Variants in NPAS3 observed in about 807,000 individuals in gnomAD.
NPAS3 encodes the protein neuronal PAS domain protein 3, also known as neuronal PAS domain-containing protein 3.
In NPAS3, 14 loss-of-function variants were observed where a neutral mutation model predicts 73.1. The ratio of observed to expected loss-of-function variants is 0.19; its 90% CI spans 0.13 to 0.30. NPAS3 has a LOEUF of 0.30. Among genes scored for constraint, NPAS3 ranks in the 10% least tolerant of loss-of-function variants. NPAS3 has a pLI of 1.00. For missense variants in NPAS3, 1,096 were observed against 1,250.0 expected, an observed-to-expected ratio of 0.88 and a Z score of 1.86; for synonymous variants, 620 against 541.5, an observed-to-expected ratio of 1.14 and a Z score of -2.01.
chr14:33,090,378 A>G (rs937750881), intron 2 of NPAS3, among the ~76,000 whole-genome samples: 2 of 152,214 alleles, frequency 1.3e-5, no homozygotes, highest in Non-Finnish European at 2.9e-5. Flanking sequence ...CTTTAAACCA[A>G]CAAAGATCAA....
chr14:32,952,144 A>G (rs577303733), intron 1 of NPAS3, among the ~76,000 whole-genome samples: 2 of 152,206 alleles, frequency 1.3e-5, no homozygotes, highest in African/African-American at 4.8e-5. Context: ...TTTCATCCCT[A>G]TAACTATGTA....
At chr14:33,731,436 AAAAAGAG>A (rs1309926673) in intron 6 of NPAS3, among the ~76,000 whole-genome samples, 2 of 150,834 alleles carry the variant, frequency 1.3e-5, no homozygotes, top group African/African-American at 2.4e-5. Context: ...AAAAAAAAAA[AAAAAGAG>A]AGAGAGAAAG....
intron 5 of NPAS3, among the ~76,000 whole-genome samples, chr14:33,583,001 T>G (rs918342883): frequency 8.1e-5 from 10 of 123,972 alleles, no homozygotes; most frequent in African/African-American, 3.5e-4. Context: ...ACTGGTTTTT[T>G]AGTACTAGAA....
intron 4 of NPAS3, among the ~76,000 whole-genome samples, chr14:33,540,322 GT>G (rs2054454769): frequency 6.6e-6 from 1 of 151,852 alleles, no homozygotes; most frequent in Non-Finnish European, 1.5e-5. Context: ...CCTATGCTTT[GT>G]TCATTTATTG....
chr14:33,543,995 A>ATATATATC (rs1196766077), intron 4 of NPAS3, among the ~76,000 whole-genome samples: 21 of 121,448 alleles, frequency 1.7e-4, no homozygotes, highest in South Asian at 5.4e-4. Context: ...ATATATATAT[A>ATATATATC]TATATATCTA....
At chr14:33,115,032 A>C (rs1595478481) in intron 2 of NPAS3, among the ~76,000 whole-genome samples, 1 of 152,290 alleles carries the variant, frequency 6.6e-6, no homozygotes, top group East Asian at 1.9e-4. Context: ...CTATTCTAAG[A>C]AAGGCATGAT....
intron 4 of NPAS3, among the ~76,000 whole-genome samples, chr14:33,510,446 T>C (rs550336913): frequency 6.6e-6 from 1 of 152,150 alleles, no homozygotes. Flanking sequence ...TCACTTCCAG[T>C]TCCCAGGGTG....
intron 5 of NPAS3, among the ~76,000 whole-genome samples, chr14:33,582,973 T>TTTTTTTTTG (rs2056730086): frequency 6.9e-6 from 1 of 145,482 alleles, no homozygotes; most frequent in African/African-American, 2.7e-5. Context: ...TTAAAGGGTT[T>TTTTTTTTTG]TTTTTTTTTT....
chr14:33,248,712 G>T (rs918504557), intron 3 of NPAS3, among the ~76,000 whole-genome samples: 5 of 152,166 alleles, frequency 3.3e-5, no homozygotes, highest in African/African-American at 1.2e-4. Flanking sequence ...GTGATTGGTT[G>T]TCACCATCAT....
intron 7 of NPAS3, among the ~76,000 whole-genome samples, chr14:33,758,415 C>A (rs1170421398): frequency 6.6e-6 from 1 of 152,196 alleles, no homozygotes. Flanking sequence ...ACGGGGCATC[C>A]CTCTGCAGGT....
At chr14:33,382,435 T>C (rs1234076393) in intron 4 of NPAS3, among the ~76,000 whole-genome samples, 1 of 152,202 alleles carries the variant, frequency 6.6e-6, no homozygotes, top group Non-Finnish European at 1.5e-5. Flanking sequence ...ACAAGTTTTT[T>C]TCACTGAGAT....
intron 2 of NPAS3, among the ~76,000 whole-genome samples, chr14:33,107,473 G>A (rs570870427): frequency 1.6e-4 from 25 of 152,160 alleles, no homozygotes; most frequent in Middle Eastern, 3.4e-3. Context: ...TATACCCAAT[G>A]TTTAGCTCCC....
chr14:33,769,016 A>C lies in NPAS3; in HGVS notation c.853-5321A>C, dbSNP rs137905933. On this transcript the variant is annotated intron_variant, in intron 7 of 11. Coordinates refer to ENST00000356141, the Ensembl canonical transcript of NPAS3. ...TTGTGGATGGAGAAAAAGGGTGCTT[A>C]AGAGCTTTCAGAAAAGTGCTATTTT... is the stretch of plus-strand genomic sequence containing the variant. Among the ~76,000 whole-genome samples the C allele has an allele frequency of 9.8e-5, 15 of 152,326 alleles. No homozygotes were observed. In the East Asian group the frequency reaches 2.9e-3, roughly 29 times the overall value.
chr14:32,980,249 A>G (rs1566427712), intron 1 of NPAS3, among the ~76,000 whole-genome samples: 2 of 152,278 alleles, frequency 1.3e-5, no homozygotes, highest in African/African-American at 2.4e-5. Context: ...TTCAGAGGTA[A>G]TTGAATTTTT....
chr14:33,306,650 A>G (rs1463364781), intron 3 of NPAS3, among the ~76,000 whole-genome samples: 5 of 152,168 alleles, frequency 3.3e-5, no homozygotes, highest in Non-Finnish European at 1.5e-5. Context: ...ATTAATTTGT[A>G]TTGCACAGGT....
intron 5 of NPAS3, among the ~76,000 whole-genome samples, chr14:33,618,664 C>A (rs766305593): frequency 4.6e-5 from 7 of 152,186 alleles, no homozygotes; most frequent in African/African-American, 7.2e-5. Flanking sequence ...AGTTGGGGAT[C>A]CCTATTTCAG....
intron 1 of NPAS3, among the ~76,000 whole-genome samples, chr14:32,992,545 G>A (rs2038378889): frequency 6.6e-6 from 1 of 152,098 alleles, no homozygotes; most frequent in Admixed American, 6.5e-5. Flanking sequence ...CTAGAGCCTG[G>A]CATAAGGCTG....
At chr14:32,988,719 A>G (rs547507750) in intron 1 of NPAS3, among the ~76,000 whole-genome samples, 101 of 152,362 alleles carry the variant, frequency 6.6e-4, no homozygotes, top group Non-Finnish European at 1.2e-3. Flanking sequence ...CCTCACAGTC[A>G]TACACTGATG....
intron 3 of NPAS3, among the ~76,000 whole-genome samples, chr14:33,249,362 T>C (rs1594506346): frequency 7.0e-6 from 1 of 142,978 alleles, no homozygotes. Context: ...TTTTTTTTTT[T>C]TCTTTCCTAA....
Sources: gnomAD v4.1 joint callset for allele counts (sites outside exome capture counted in the v4.1 genomes callset) on GRCh38, gnomAD v4.1.1 for gene constraint, MANE v1.5 for transcripts, NCBI Gene and HGNC (gene_info 2026-07-23, HGNC 2026-07-21) for gene names.